FAM184A: variants seen among roughly 807,000 people sequenced by gnomAD.
FAM184A encodes protein FAM184A.
Under a neutral mutation model 143.8 loss-of-function variants are expected in FAM184A, and 99 were observed. The observed-to-expected ratio is 0.69, with a 90% CI of 0.58 to 0.81. The LOEUF (loss-of-function observed/expected upper bound fraction) is 0.81, where lower values mean the gene tolerates loss of function less well. Ranked by LOEUF, FAM184A falls within the 40% of genes least tolerant of loss-of-function variation. The pLI, the probability that FAM184A is intolerant of heterozygous loss-of-function variation, is 0.00. For missense variants in FAM184A, 1,217 were observed against 1,310.5 expected, an observed-to-expected ratio of 0.93 and a Z score of 1.10; for synonymous variants, 427 against 446.4, an observed-to-expected ratio of 0.96 and a Z score of 0.55.
At chr6:119,028,340 A>G (rs1025838341) in intron 1 of FAM184A, among the ~76,000 whole-genome samples, 3 of 152,170 alleles carry the variant, frequency 2.0e-5, no homozygotes, top group Non-Finnish European at 4.4e-5. Flanking sequence ...CTTTTGTTCT[A>G]ATGACATGAC....
chr6:119,019,990 T>C lies in FAM184A; in HGVS notation c.1320A>G (p.Leu440=), dbSNP rs1406006214. 31 of 1,580,108 alleles carry C rather than the reference T, an allele frequency of 2.0e-5. No individual in the cohort carries two copies. The highest frequency in any genetic ancestry group is 2.5e-5 in the Non-Finnish European group (29 of 1,168,280). The change falls in exon 4 of 18, where the codon CTA becomes CTG. Residue 440 remains leucine, a synonymous_variant. Transcript: ENST00000338891. ...SLDEEQKQQI[L]ELEKKVNEAK... Reference sequence around the variant, plus strand: ...CATTACTTTTTACCTTCTCCAGTTCTAGAATCTGTTGCTTCTGCTCTTCAT... The same window carrying C: ...CATTACTTTTTACCTTCTCCAGTTCCAGAATCTGTTGCTTCTGCTCTTCAT...
intron 7 of FAM184A, chr6:119,005,802 A>G (rs1186211017): frequency 2.7e-6 from 1 of 364,892 alleles, no homozygotes; most frequent in African/African-American, 2.0e-5. Context: ...ATCTAAGACA[A>G]TCTAAATCTT....
chr6:119,054,976 T>G (rs1445162778), intron 1 of FAM184A, among the ~76,000 whole-genome samples: 1 of 152,084 alleles, frequency 6.6e-6, no homozygotes, highest in Non-Finnish European at 1.5e-5. Context: ...TGTACAACCA[T>G]CACCACTACC....
chr6:119,045,797 T>TA (rs898212886), intron 1 of FAM184A, among the ~76,000 whole-genome samples: 11 of 151,672 alleles, frequency 7.3e-5, no homozygotes, highest in Admixed American at 2.6e-4. Context: ...TAAAGCCAAT[T>TA]AAAAAAAATT....
intron 1 of FAM184A, among the ~76,000 whole-genome samples, chr6:119,066,920 A>G (rs764037651): frequency 6.6e-6 from 1 of 152,240 alleles, no homozygotes; most frequent in African/African-American, 2.4e-5. Flanking sequence ...ATAGACAAAG[A>G]CTTTTAACAA....
chr6:119,110,796 G>C (rs1477201456), intron 1 of FAM184A, among the ~76,000 whole-genome samples: 1 of 152,192 alleles, frequency 6.6e-6, no homozygotes. Flanking sequence ...AATGCTTCCA[G>C]CATTTCTTAT....
At chr6:119,125,114 C>T (rs1789322923) in intron 1 of FAM184A, among the ~76,000 whole-genome samples, 1 of 152,092 alleles carries the variant, frequency 6.6e-6, no homozygotes, top group South Asian at 2.1e-4. Context: ...AATTCATATC[C>T]AGGCAGTTGT....
At chr6:119,106,278 G>C (rs1284877553) in intron 1 of FAM184A, among the ~76,000 whole-genome samples, 1 of 148,520 alleles carries the variant, frequency 6.7e-6, no homozygotes, top group Non-Finnish European at 1.5e-5. Context: ...TGTAGCCCCA[G>C]CTACTCAGGA....
At chr6:119,109,000 A>G (rs1039248977) in intron 1 of FAM184A, among the ~76,000 whole-genome samples, 14 of 150,810 alleles carry the variant, frequency 9.3e-5, no homozygotes, top group Non-Finnish European at 2.1e-4. Context: ...CAAGCCAAAC[A>G]TCTGCATCCT....
At chr6:119,010,827 C>T (rs917976638) in intron 6 of FAM184A, among the ~76,000 whole-genome samples, 2 of 152,068 alleles carry the variant, frequency 1.3e-5, no homozygotes, top group Non-Finnish European at 2.9e-5. Flanking sequence ...ATCCTTAACC[C>T]ACCTGGAACT....
intron 1 of FAM184A, among the ~76,000 whole-genome samples, chr6:119,088,432 A>G (rs1788285360): frequency 6.6e-6 from 1 of 152,172 alleles, no homozygotes; most frequent in Non-Finnish European, 1.5e-5. Context: ...GGTTAGCTAA[A>G]GAGGACGTCT....
At chr6:118,991,444 T>G (rs567206157) in intron 9 of FAM184A, among the ~76,000 whole-genome samples, 1 of 152,060 alleles carries the variant, frequency 6.6e-6, no homozygotes, top group East Asian at 1.9e-4. Flanking sequence ...ATTACAGGTG[T>G]GAGCCACCGT....
chr6:119,020,397 T>C (rs546642889), intron 3 of FAM184A, among the ~76,000 whole-genome samples: 1 of 152,346 alleles, frequency 6.6e-6, no homozygotes, highest in East Asian at 1.9e-4. Context: ...TGTTGCTTCC[T>C]GCACCTCGTA....
chr6:119,084,565 CAG>C (rs1788164530), intron 1 of FAM184A, among the ~76,000 whole-genome samples: 8 of 152,328 alleles, frequency 5.3e-5, no homozygotes, highest in Admixed American at 5.2e-4. Context: ...TTTCCAGGCA[CAG>C]GGTGCAAGCT....
At position 119,050,378 on chromosome 6, in the gene FAM184A, G is replaced by C. The variant is rs148139190; in HGVS notation, c.160-25565C>G. 2.6e-4 allele frequency among the ~76,000 whole-genome samples: 40 copies of C among 151,908 alleles called. No homozygotes were observed. The East Asian group carries it at 7.7e-3, about 29-fold the overall frequency. ...TTCCACCATAAAGACACATGCAGAC[G>C]AATGTTCACTGCGGCACTATTCACA... On this transcript the variant is annotated intron_variant, in intron 1 of 17. Coordinates refer to ENST00000338891, the MANE Select transcript of FAM184A (RefSeq NM_024581.6).
At chr6:119,057,093 T>C (rs1335649924) in intron 1 of FAM184A, among the ~76,000 whole-genome samples, 5 of 152,186 alleles carry the variant, frequency 3.3e-5, no homozygotes, top group Non-Finnish European at 7.3e-5. Flanking sequence ...ACAAAAGGCA[T>C]AAATGAGTTA....
At chr6:119,023,555 G>T (rs63441160) in intron 2 of FAM184A, among the ~76,000 whole-genome samples, 1 of 6,712 alleles carries the variant, frequency 1.5e-4, no homozygotes, top group South Asian at 7.6e-3. Context: ...AATATTGTCC[G>T]CCCCCCCCCC....
At chr6:119,019,489 A>T (rs1785372486) in intron 4 of FAM184A, among the ~76,000 whole-genome samples, 1 of 152,222 alleles carries the variant, frequency 6.6e-6, no homozygotes, top group Non-Finnish European at 1.5e-5. Flanking sequence ...CCCACTTGGT[A>T]TTGTGGGCAT....
At chr6:119,058,053 A>G (rs1247299498) in intron 1 of FAM184A, 2 of 151,648 alleles carry the variant, frequency 1.3e-5, no homozygotes, top group Non-Finnish European at 2.9e-5. Flanking sequence ...ATTCCCTGAA[A>G]GTGTACATTG....
Sources: allele counts gnomAD v4.1 joint callset (sites outside exome capture counted in the v4.1 genomes callset), GRCh38; gene constraint gnomAD v4.1.1; transcripts MANE v1.5; gene names NCBI Gene and HGNC (gene_info 2026-07-23, HGNC 2026-07-21).